CFAP299: variants seen among roughly 807,000 people sequenced by gnomAD.
CFAP299 encodes cilia- and flagella-associated protein 299.
Under a neutral mutation model 27.0 loss-of-function variants are expected in CFAP299, and 21 were observed. That is an observed-to-expected ratio of 0.78 (90% CI 0.55 to 1.12). The LOEUF (loss-of-function observed/expected upper bound fraction) is 1.12. Among genes scored for constraint, CFAP299 ranks in the 50% most tolerant of loss-of-function variants. The pLI is 0.00. For synonymous variants in CFAP299, 104 were observed against 98.1 expected, an observed-to-expected ratio of 1.06 and a Z score of -0.36; for missense variants, 310 against 276.6, an observed-to-expected ratio of 1.12 and a Z score of -0.86.
At chr4:80,924,516 G>T (rs551606514) in intron 4 of CFAP299, among the ~76,000 whole-genome samples, 1 of 129,082 alleles carries the variant, frequency 7.7e-6, no homozygotes, top group Non-Finnish European at 1.6e-5. Context: ...AATTCATTAT[G>T]TGTGTGTGTG....
At chr4:80,379,328 T>G (rs980354157) in intron 2 of CFAP299, among the ~76,000 whole-genome samples, 1 of 152,050 alleles carries the variant, frequency 6.6e-6, no homozygotes, top group Non-Finnish European at 1.5e-5. Context: ...TCAGTTTTAA[T>G]GATCTTTTTG....
intron 3 of CFAP299, among the ~76,000 whole-genome samples, chr4:80,801,636 G>A (rs1728611448): frequency 6.6e-6 from 1 of 152,060 alleles, no homozygotes; most frequent in African/African-American, 2.4e-5. Context: ...ATCACGACAG[G>A]TGAGTCAATC....
At chr4:80,784,089 A>C (rs1727097309) in intron 3 of CFAP299, among the ~76,000 whole-genome samples, 1 of 152,182 alleles carries the variant, frequency 6.6e-6, no homozygotes, top group Non-Finnish European at 1.5e-5. Flanking sequence ...TAGAGGCTAA[A>C]TAATATTCCA....
chr4:80,778,346 T>C (rs1278243936), intron 3 of CFAP299, among the ~76,000 whole-genome samples: 1 of 152,058 alleles, frequency 6.6e-6, no homozygotes, highest in African/African-American at 2.4e-5. Context: ...CTTGTACAAA[T>C]TGGAAAAAAG....
chr4:80,577,133 G>GAT (rs1735911026), intron 2 of CFAP299, among the ~76,000 whole-genome samples: 2 of 152,224 alleles, frequency 1.3e-5, no homozygotes, highest in African/African-American at 4.8e-5. Context: ...ATGCTGCTTT[G>GAT]ATATATTGTG....
intron 3 of CFAP299, among the ~76,000 whole-genome samples, chr4:80,821,667 A>G (rs1468358892): frequency 6.6e-6 from 1 of 152,148 alleles, no homozygotes; most frequent in African/African-American, 2.4e-5. Flanking sequence ...CCAGACCCTA[A>G]AAGTTCCTGC....
intron 4 of CFAP299, among the ~76,000 whole-genome samples, chr4:80,941,418 AT>A (rs1239484572): frequency 1.3e-5 from 2 of 152,176 alleles, no homozygotes; most frequent in Non-Finnish European, 2.9e-5. Context: ...AGAAACCGTA[AT>A]TACAGGACCT....
chr4:80,395,930 A>G (rs1287011237), intron 2 of CFAP299, among the ~76,000 whole-genome samples: 1 of 152,126 alleles, frequency 6.6e-6, no homozygotes, highest in East Asian at 1.9e-4. Flanking sequence ...GAAAACCTAA[A>G]AAAAGGTTTA....
intron 2 of CFAP299, among the ~76,000 whole-genome samples, chr4:80,365,380 G>T (rs1355057250): frequency 6.6e-6 from 1 of 152,006 alleles, no homozygotes; most frequent in East Asian, 1.9e-4. Context: ...TTTGTTGGCC[G>T]CATGTATGTC....
intron 3 of CFAP299, among the ~76,000 whole-genome samples, chr4:80,666,755 C>T (rs1397973541): frequency 1.3e-5 from 2 of 152,154 alleles, no homozygotes; most frequent in African/African-American, 4.8e-5. Flanking sequence ...GTGTGACCTA[C>T]ATGCCACCAA....
intron 2 of CFAP299, among the ~76,000 whole-genome samples, chr4:80,555,126 G>A (rs1436849607): frequency 1.3e-5 from 2 of 152,138 alleles, no homozygotes; most frequent in Non-Finnish European, 2.9e-5. Context: ...GTATGATGTT[G>A]GCTGTGGGTT....
chr4:80,799,611 ATTATATATTT>A lies in CFAP299; in HGVS notation c.334-70381_334-70372del, dbSNP rs1399300660. 1.2e-4 allele frequency among the ~76,000 whole-genome samples: 6 copies of A among 49,958 alleles called. 1 individual carries two copies. The highest frequency in any genetic ancestry group is 1.6e-4 in the Non-Finnish European group (5 of 30,948). The allele number at this position is 49,958 out of a possible 152,430, so 32.8% of individuals were successfully genotyped here. A position where few individuals can be genotyped will look rare whatever the true frequency, so the allele number is the denominator to read the frequency against. ...ATTATATAAAATATATATTTTATAT[ATTATATATTT>A]ATAAATATATAATATATAAAATATA... On this transcript the variant is annotated intron_variant, in intron 3 of 5. Coordinates refer to ENST00000358105, the MANE Select transcript of CFAP299 (RefSeq NM_152770.3).
intron 5 of CFAP299, among the ~76,000 whole-genome samples, chr4:80,955,137 G>A (rs1420094227): frequency 1.3e-5 from 2 of 151,252 alleles, no homozygotes; most frequent in Admixed American, 6.6e-5. Flanking sequence ...TCCAAGACCT[G>A]AGGATTCTCT....
At chr4:80,946,035 C>T (rs1737454754) in intron 5 of CFAP299, among the ~76,000 whole-genome samples, 2 of 151,358 alleles carry the variant, frequency 1.3e-5, no homozygotes, top group African/African-American at 4.9e-5. Flanking sequence ...TGCCTGTAAT[C>T]CCAGCTATTC....
intron 2 of CFAP299, among the ~76,000 whole-genome samples, chr4:80,497,216 G>A (rs1731494747): frequency 6.6e-6 from 1 of 152,128 alleles, no homozygotes; most frequent in Admixed American, 6.5e-5. Context: ...GCTGCAGTGA[G>A]CTATGATCGC....
At chr4:80,628,753 CAT>C (rs1235904106) in intron 3 of CFAP299, among the ~76,000 whole-genome samples, 1 of 152,014 alleles carries the variant, frequency 6.6e-6, no homozygotes, top group Non-Finnish European at 1.5e-5. Flanking sequence ...ATCAGGGAAA[CAT>C]AAATTAAAAA....
At chr4:80,922,068 A>G (rs144569291) in intron 4 of CFAP299, among the ~76,000 whole-genome samples, 127 of 152,234 alleles carry the variant, frequency 8.3e-4, no homozygotes, top group African/African-American at 2.9e-3. Context: ...AGATAGATGT[A>G]TACGTCTGAA....
chr4:80,510,724 G>T (rs1438388862), intron 2 of CFAP299, among the ~76,000 whole-genome samples: 2 of 152,098 alleles, frequency 1.3e-5, no homozygotes, highest in African/African-American at 2.4e-5. Context: ...GGTTATTCAA[G>T]AATCTGTAAA....
At chr4:80,389,983 TA>T (rs984329651) in intron 2 of CFAP299, among the ~76,000 whole-genome samples, 1 of 152,122 alleles carries the variant, frequency 6.6e-6, no homozygotes, top group Non-Finnish European at 1.5e-5. Flanking sequence ...CCAGAATTAT[TA>T]ACATAGATTT....
Sources: gnomAD v4.1 joint callset for allele counts (sites outside exome capture counted in the v4.1 genomes callset) on GRCh38, gnomAD v4.1.1 for gene constraint, MANE v1.5 for transcripts, NCBI Gene and HGNC (gene_info 2026-07-23, HGNC 2026-07-21) for gene names.